The following NCAM2 variants were observed in gnomAD, a reference collection of about 807,000 sequenced individuals.
The protein encoded by NCAM2 is N-CAM-2.
In NCAM2, 30 loss-of-function variants were observed where a neutral mutation model predicts 98.1. The observed-to-expected ratio is 0.31, with a 90% CI of 0.23 to 0.41. The LOEUF is 0.41. Ranked by LOEUF, NCAM2 falls within the 10% of genes least tolerant of loss-of-function variation. NCAM2 has a pLI of 1.00. For missense variants in NCAM2, 867 were observed against 1,005.8 expected (o/e 0.86, Z 1.87); for synonymous variants, 368 against 342.4 (o/e 1.07, Z -0.83).
At chr21:21,158,610 C>T (rs1003788430) in intron 1 of NCAM2, among the ~76,000 whole-genome samples, 9 of 13,416 alleles carry the variant, frequency 6.7e-4, no homozygotes, top group African/African-American at 1.5e-3. Flanking sequence ...TCCCCGCCCC[C>T]GCAAAAAAAA....
intron 1 of NCAM2, among the ~76,000 whole-genome samples, chr21:21,094,534 T>C (rs1324945842): frequency 6.6e-6 from 1 of 151,860 alleles, no homozygotes; most frequent in Admixed American, 6.6e-5. Flanking sequence ...TGATTTATCT[T>C]CTAGATAAAC....
At chr21:21,295,029 A>G (rs1049088681) in intron 5 of NCAM2, among the ~76,000 whole-genome samples, 2 of 151,622 alleles carry the variant, frequency 1.3e-5, no homozygotes, top group African/African-American at 4.8e-5. Context: ...ATTGCTACTA[A>G]TTTTTATCTT....
chr21:21,452,708 A>T (rs1398646713), intron 12 of NCAM2, among the ~76,000 whole-genome samples: 3 of 111,222 alleles, frequency 2.7e-5, no homozygotes, highest in African/African-American at 1.1e-4. Flanking sequence ...TTAAAAATAT[A>T]ATATATATTA....
rs1024086327 is a variant in NCAM2, at chr21:21,176,202, T to C, written c.56-104376T>C. 1.1e-4 allele frequency among the ~76,000 whole-genome samples: 16 copies of C among 152,298 alleles called. No individual in the cohort carries two copies. The East Asian group carries it at 2.9e-3, about 28-fold the overall frequency. On this transcript the variant is annotated intron_variant, in intron 1 of 17. Transcript: ENST00000400546. The stretch of plus-strand genomic sequence containing the variant: ...GCACTAGGCTATTTGTATTACTGTG[T>C]TACCATCTCTGAATCACTTGACTGG...
At chr21:21,511,074 G>A (rs1988347149) in intron 16 of NCAM2, among the ~76,000 whole-genome samples, 1 of 151,946 alleles carries the variant, frequency 6.6e-6, no homozygotes, top group South Asian at 2.1e-4. Context: ...CAGAATAATT[G>A]TGGTATCTGT....
intron 8 of NCAM2, among the ~76,000 whole-genome samples, chr21:21,359,543 A>G (rs1194562147): frequency 6.6e-6 from 1 of 151,966 alleles, no homozygotes; most frequent in Non-Finnish European, 1.5e-5. Flanking sequence ...TGAAGTCTAT[A>G]ATAAGACCTT....
intron 1 of NCAM2, among the ~76,000 whole-genome samples, chr21:21,093,639 T>C (rs1354533940): frequency 6.6e-6 from 1 of 151,990 alleles, no homozygotes; most frequent in African/African-American, 2.4e-5. Flanking sequence ...GAATTGCAGG[T>C]GTGATTATAC....
chr21:21,204,057 A>C (rs2069343548), intron 1 of NCAM2, among the ~76,000 whole-genome samples: 1 of 152,116 alleles, frequency 6.6e-6, no homozygotes, highest in African/African-American at 2.4e-5. Flanking sequence ...GTGTCTATTG[A>C]GTATCAACAA....
intron 1 of NCAM2, among the ~76,000 whole-genome samples, chr21:21,012,045 A>T (rs1054328765): frequency 6.6e-6 from 1 of 152,176 alleles, no homozygotes; most frequent in Non-Finnish European, 1.5e-5. Context: ...TAGTACAGAC[A>T]TTATGGCAAA....
chr21:21,384,531 A>G (rs1362938025), intron 9 of NCAM2, among the ~76,000 whole-genome samples: 2 of 151,920 alleles, frequency 1.3e-5, no homozygotes, highest in Admixed American at 1.3e-4. Context: ...TATATTGGAA[A>G]TCTACCTCAC....
intron 1 of NCAM2, among the ~76,000 whole-genome samples, chr21:21,074,450 G>T (rs1183664211): frequency 1.3e-5 from 2 of 151,568 alleles, no homozygotes; most frequent in African/African-American, 4.8e-5. Context: ...ACATAAATTT[G>T]ATTTGATAAA....
intron 9 of NCAM2, among the ~76,000 whole-genome samples, chr21:21,409,230 G>A (rs1480805810): frequency 2.6e-5 from 4 of 152,020 alleles, no homozygotes; most frequent in Non-Finnish European, 5.9e-5. Context: ...GTCCTGGGGT[G>A]GAGGAAGAGT....
At chr21:21,028,353 C>T (rs191808581) in intron 1 of NCAM2, among the ~76,000 whole-genome samples, 7 of 152,156 alleles carry the variant, frequency 4.6e-5, no homozygotes, top group Admixed American at 1.3e-4. Context: ...AATCATAATC[C>T]GATTCAAAAA....
chr21:21,196,256 A>T (rs1317517989), intron 1 of NCAM2, among the ~76,000 whole-genome samples: 1 of 152,166 alleles, frequency 6.6e-6, no homozygotes, highest in Non-Finnish European at 1.5e-5. Context: ...CCTCACCAGG[A>T]ATCATGCCCT....
intron 1 of NCAM2, among the ~76,000 whole-genome samples, chr21:21,098,839 T>C (rs938730718): frequency 1.3e-5 from 2 of 151,814 alleles, no homozygotes; most frequent in African/African-American, 4.8e-5. Context: ...TCAGTTTTGT[T>C]CAGAGTCAAG....
intron 1 of NCAM2, among the ~76,000 whole-genome samples, chr21:21,262,658 CAAAAA>C (rs33912324): frequency 2.5e-5 from 2 of 78,960 alleles, no homozygotes; most frequent in African/African-American, 1.0e-4. Flanking sequence ...AACAATCAGT[CAAAAA>C]AAAAAAAAAA....
intron 15 of NCAM2, among the ~76,000 whole-genome samples, chr21:21,480,611 CT>C (rs1232200637): frequency 2.0e-5 from 3 of 151,958 alleles, no homozygotes; most frequent in Non-Finnish European, 4.4e-5. Context: ...AATTCAAGGG[CT>C]TTTAAAAACG....
chr21:21,136,945 G>A (rs2067068885), intron 1 of NCAM2, among the ~76,000 whole-genome samples: 1 of 150,684 alleles, frequency 6.6e-6, no homozygotes, highest in African/African-American at 2.4e-5. Context: ...TAATTTTTAA[G>A]AATTGTTATT....
At position 21,374,066 on chromosome 21, in the gene NCAM2, CAT is replaced by C. The variant is rs998152879; in HGVS notation, c.1195+56_1195+57del. The C allele has an allele frequency of 3.2e-6, 5 of 1,550,558 alleles. No homozygotes were observed. The African/African-American group carries it at 4.2e-5, about 13-fold the overall frequency. On this transcript the variant is annotated intron_variant, in intron 9 of 17. Coordinates refer to ENST00000400546, the MANE Select transcript of NCAM2 (RefSeq NM_004540.5). ...TAAAATAACTTTGCATGCTTTGAAA[CAT>C]ATGATTTTTCAATAAAGACCAAAAT...
Sources: gnomAD v4.1 joint callset for allele counts (sites outside exome capture counted in the v4.1 genomes callset) on GRCh38, gnomAD v4.1.1 for gene constraint, MANE v1.5 for transcripts, NCBI Gene and HGNC (gene_info 2026-07-23, HGNC 2026-07-21) for gene names.